LINGO2: variants seen among roughly 807,000 people sequenced by gnomAD.
LINGO2 encodes the protein leucine-rich repeat and immunoglobulin-like domain-containing nogo receptor-interacting protein 2.
LINGO2 carries 14 observed loss-of-function variants against 30.6 expected under a neutral mutation model. The ratio of observed to expected loss-of-function variants is 0.46; its 90% confidence interval spans 0.30 to 0.72. The LOEUF (loss-of-function observed/expected upper bound fraction) is 0.72, where lower values mean the gene tolerates loss of function less well. Ranked by LOEUF, LINGO2 falls within the 30% of genes least tolerant of loss-of-function variation. The pLI, the probability that LINGO2 is intolerant of heterozygous loss-of-function variation, is 0.07. For synonymous variants in LINGO2, 317 were observed against 288.5 expected, an observed-to-expected ratio of 1.10 and a Z score of -1.00; for missense variants, 729 against 751.7, an observed-to-expected ratio of 0.97 and a Z score of 0.35.
chr9:28,881,370 C>T, the LINGO2 span, among the ~76,000 whole-genome samples: 16 of 152,134 alleles, frequency 1.1e-4, no homozygotes, highest in Admixed American at 7.2e-4. Flanking sequence ...GTGATCCACC[C>T]GCCTCAGCCT....
At chr9:28,899,429 C>T in the LINGO2 span, among the ~76,000 whole-genome samples, 15 of 152,318 alleles carry the variant, frequency 9.8e-5, no homozygotes, top group African/African-American at 2.9e-4. Flanking sequence ...TCCAGGCCTT[C>T]TCCAGGGTTA....
intron 4 of LINGO2, among the ~76,000 whole-genome samples, chr9:28,056,249 C>T (rs1587784805): frequency 6.6e-6 from 1 of 152,082 alleles, no homozygotes. Context: ...AGAAACACTG[C>T]ACTTGGGGCG....
intron 1 of LINGO2, among the ~76,000 whole-genome samples, chr9:28,604,385 C>A (rs1825617306): frequency 6.6e-6 from 1 of 152,032 alleles, no homozygotes; most frequent in Non-Finnish European, 1.5e-5. Context: ...CTCATATGAG[C>A]CCTTGTTCAA....
chr9:28,440,964 G>A (rs1824166680), intron 2 of LINGO2, among the ~76,000 whole-genome samples: 1 of 152,124 alleles, frequency 6.6e-6, no homozygotes, highest in Non-Finnish European at 1.5e-5. Context: ...CCCCAAAAAA[G>A]CATGTGTTGG....
chr9:28,561,782 A>AATAT (rs1228960097), intron 1 of LINGO2, among the ~76,000 whole-genome samples: 7 of 73,616 alleles, frequency 9.5e-5, no homozygotes, highest in African/African-American at 4.3e-4. Context: ...TATATATATA[A>AATAT]AAAATATGCT....
chr9:28,291,050 G>C (rs902587961), intron 4 of LINGO2, among the ~76,000 whole-genome samples: 23 of 152,166 alleles, frequency 1.5e-4, no homozygotes, highest in Non-Finnish European at 2.8e-4. Flanking sequence ...TTAGGCTCCA[G>C]TTGTCCACTT....
the LINGO2 span, among the ~76,000 whole-genome samples, chr9:28,949,682 C>G: frequency 6.6e-6 from 1 of 152,090 alleles, no homozygotes; most frequent in Admixed American, 6.6e-5. Context: ...ACCAGAGGTA[C>G]AAAGCGGAGC....
chr9:28,073,233 T>C (rs964806302), intron 4 of LINGO2, among the ~76,000 whole-genome samples: 1 of 152,072 alleles, frequency 6.6e-6, no homozygotes, highest in African/African-American at 2.4e-5. Context: ...TTATCATTAG[T>C]TAAGGCCTAC....
chr9:28,849,761 A>T, the LINGO2 span, among the ~76,000 whole-genome samples: 1 of 151,404 alleles, frequency 6.6e-6, no homozygotes, highest in South Asian at 2.1e-4. Context: ...CCCTCTTCCT[A>T]CCCCTCAGCT....
chr9:28,229,074 C>T (rs1821268181), intron 4 of LINGO2, among the ~76,000 whole-genome samples: 1 of 151,686 alleles, frequency 6.6e-6, no homozygotes, highest in African/African-American at 2.4e-5. Flanking sequence ...CATTATGGAA[C>T]AAAGGTCATT....
intron 4 of LINGO2, among the ~76,000 whole-genome samples, chr9:28,056,855 T>C (rs966169647): frequency 1.3e-5 from 2 of 152,182 alleles, no homozygotes; most frequent in Admixed American, 1.3e-4. Context: ...TCTCAGTTCA[T>C]GCTTTTTTAA....
chr9:28,848,397 G>GTGTGTGTGTATATATATA, the LINGO2 span, among the ~76,000 whole-genome samples: 1 of 48,418 alleles, frequency 2.1e-5, no homozygotes, highest in Non-Finnish European at 3.9e-5. Context: ...GTGTGTGTGT[G>GTGTGTGTGTATATATATA]TATATATATA....
intron 4 of LINGO2, among the ~76,000 whole-genome samples, chr9:28,061,139 G>A (rs1825131237): frequency 6.7e-6 from 1 of 149,214 alleles, no homozygotes; most frequent in South Asian, 2.2e-4. Flanking sequence ...GATAAGCTCT[G>A]CATTCTTTCT....
the LINGO2 span, among the ~76,000 whole-genome samples, chr9:28,723,479 C>G: frequency 6.6e-6 from 1 of 152,028 alleles, no homozygotes; most frequent in Non-Finnish European, 1.5e-5. Context: ...ATTCTATATT[C>G]CTTGAAAGGC....
Position 27,995,975 on chromosome 9 carries a change from C to T in LINGO2, c.-36+16380G>A, listed in dbSNP as rs1821641694. 2.0e-5 allele frequency among the ~76,000 whole-genome samples: 3 copies of T among 151,950 alleles called. No homozygotes were observed. The South Asian group carries it at 6.2e-4, about 31-fold the overall frequency. On this transcript the variant is annotated intron_variant, in intron 5 of 5. Transcript: ENST00000379992. Reference sequence around the variant, plus strand: ...TTAGAAAAACTTAAAAACTTAAAAACTTCAATAAAAATGTTAGAACTGATA... The same window carrying T: ...TTAGAAAAACTTAAAAACTTAAAAATTTCAATAAAAATGTTAGAACTGATA...
At chr9:28,186,096 A>G (rs1452828853) in intron 4 of LINGO2, among the ~76,000 whole-genome samples, 2 of 152,048 alleles carry the variant, frequency 1.3e-5, no homozygotes, top group African/African-American at 4.8e-5. Flanking sequence ...TTCACTCCCT[A>G]GTTCCTTGTC....
intron 1 of LINGO2, among the ~76,000 whole-genome samples, chr9:28,512,634 TATAC>T (rs200245846): frequency 5.1e-3 from 33 of 6,448 alleles, no homozygotes; most frequent in Admixed American, 0.012. Flanking sequence ...TATATATATA[TATAC>T]ACACATACAT....
At chr9:28,099,470 C>A (rs887454183) in intron 4 of LINGO2, among the ~76,000 whole-genome samples, 3 of 152,016 alleles carry the variant, frequency 2.0e-5, no homozygotes, top group African/African-American at 2.4e-5. Context: ...CATCTTCTCC[C>A]TTTTTTCCTA....
the LINGO2 span, among the ~76,000 whole-genome samples, chr9:28,718,846 G>T: frequency 6.6e-6 from 1 of 151,928 alleles, no homozygotes; most frequent in Non-Finnish European, 1.5e-5. Context: ...TGGTCATCCT[G>T]AAAAAATTAA....
Sources: gnomAD v4.1 joint callset for allele counts (sites outside exome capture counted in the v4.1 genomes callset) on GRCh38, gnomAD v4.1.1 for gene constraint, MANE v1.5 for transcripts, NCBI Gene and HGNC (gene_info 2026-07-23, HGNC 2026-07-21) for gene names.